PCGF5: variants seen among roughly 807,000 people sequenced by gnomAD.
The protein encoded by PCGF5 is polycomb group ring finger 5.
PCGF5 carries 9 observed loss-of-function variants against 44.3 expected under a neutral mutation model. The observed-to-expected ratio is 0.20, with a 90% CI of 0.12 to 0.35. The LOEUF is 0.35. Among genes scored for constraint, PCGF5 ranks in the 10% least tolerant of loss-of-function variants. The pLI, the probability that PCGF5 is intolerant of heterozygous loss-of-function variation, is 1.00. For synonymous variants in PCGF5, 95 were observed against 102.5 expected (o/e 0.93, Z 0.44); for missense variants, 146 against 305.3 (o/e 0.48, Z 3.89).
chr10:91,164,409 G>A (rs186488334), intron 1 of PCGF5, among the ~76,000 whole-genome samples: 1 of 152,208 alleles, frequency 6.6e-6, no homozygotes, highest in East Asian at 1.9e-4. Flanking sequence ...TACATTAACC[G>A]GTTGAGGAGC....
chr10:91,242,590 A>G (rs947308420), intron 3 of PCGF5, among the ~76,000 whole-genome samples: 2 of 152,104 alleles, frequency 1.3e-5, no homozygotes, highest in Admixed American at 6.6e-5. Flanking sequence ...ATAACATCAT[A>G]TATTTTTTAA....
chr10:91,181,873 G>A (rs1393903897), intron 1 of PCGF5, among the ~76,000 whole-genome samples: 1 of 152,148 alleles, frequency 6.6e-6, no homozygotes, highest in Non-Finnish European at 1.5e-5. Context: ...AATGATGCTG[G>A]CCTCATAGAA....
At chr10:91,245,220 A>G (rs923537391) in intron 3 of PCGF5, among the ~76,000 whole-genome samples, 1 of 152,186 alleles carries the variant, frequency 6.6e-6, no homozygotes, top group African/African-American at 2.4e-5. Context: ...AAGTGAAGAT[A>G]GTATGTATAT....
At chr10:91,266,019 T>C (rs530610722) in intron 8 of PCGF5, among the ~76,000 whole-genome samples, 21 of 152,316 alleles carry the variant, frequency 1.4e-4, no homozygotes, top group African/African-American at 4.8e-4. Flanking sequence ...TTTTAAATGA[T>C]TGTACATACA....
chr10:91,243,128 T>C (rs1845372209), intron 3 of PCGF5, among the ~76,000 whole-genome samples: 1 of 152,162 alleles, frequency 6.6e-6, no homozygotes, highest in African/African-American at 2.4e-5. Flanking sequence ...AACTGAAAGC[T>C]AGAAAGCAAA....
At chr10:91,245,610 T>C (rs1845440766) in intron 3 of PCGF5, among the ~76,000 whole-genome samples, 1 of 151,450 alleles carries the variant, frequency 6.6e-6, no homozygotes, top group East Asian at 1.9e-4. Flanking sequence ...TGTGGGAGAG[T>C]AGGGAATGCA....
intron 9 of PCGF5, among the ~76,000 whole-genome samples, chr10:91,272,143 CTTGAG>C (rs1383202519): frequency 6.6e-6 from 1 of 152,188 alleles, no homozygotes; most frequent in Non-Finnish European, 1.5e-5. Context: ...TAGTACTTTA[CTTGAG>C]TTACCTCTTT....
upstream of PCGF5, among the ~76,000 whole-genome samples, chr10:91,216,097 G>A (rs556297081): frequency 1.6e-4 from 25 of 152,358 alleles, no homozygotes; most frequent in South Asian, 5.2e-3. Context: ...TAGCCAAGCA[G>A]TGGATCCACT....
chr10:91,197,390 T>C (rs1453500128), intron 1 of PCGF5, among the ~76,000 whole-genome samples: 1 of 152,244 alleles, frequency 6.6e-6, no homozygotes, highest in African/African-American at 2.4e-5. Flanking sequence ...CGTATATCTT[T>C]GGAAAATAAA....
chr10:91,266,508 AG>A (rs1846051163), intron 8 of PCGF5, among the ~76,000 whole-genome samples: 1 of 152,246 alleles, frequency 6.6e-6, no homozygotes, highest in Non-Finnish European at 1.5e-5. Context: ...AAGTTCAAAA[AG>A]TGATTCAGTA....
Position 91,168,700 on chromosome 10 carries a change from G to C in PCGF5, c.-184+5619G>C, listed in dbSNP as rs1843545788. 2.0e-5 allele frequency among the ~76,000 whole-genome samples: 3 copies of C among 151,940 alleles called. No homozygotes were observed. The South Asian group carries it at 6.2e-4, about 32-fold the overall frequency. On this transcript the variant is annotated intron_variant, in intron 1 of 9. Transcript: ENST00000614189. ...TCCCAGCACTTTGGGAGGCCGAGGT[G>C]GGCAGATCATGAGGTCAAGAGTTCC...
chr10:91,208,677 A>AC (rs946675507), intron 1 of PCGF5, among the ~76,000 whole-genome samples: 5 of 152,196 alleles, frequency 3.3e-5, no homozygotes, highest in African/African-American at 1.2e-4. Flanking sequence ...GAGGATGTGT[A>AC]CCCCACCTGC....
At chr10:91,172,698 C>G (rs577481372) in intron 1 of PCGF5, among the ~76,000 whole-genome samples, 1 of 152,286 alleles carries the variant, frequency 6.6e-6, no homozygotes, top group Admixed American at 6.5e-5. Context: ...TGTTTGCCCC[C>G]AAGTTAAACT....
At chr10:91,275,632 T>G (rs943380337) in intron 9 of PCGF5, among the ~76,000 whole-genome samples, 3 of 151,028 alleles carry the variant, frequency 2.0e-5, no homozygotes, top group African/African-American at 7.3e-5. Flanking sequence ...TTTTTGTATT[T>G]TTAGTAGAGG....
chr10:91,199,534 T>C lies in PCGF5; in HGVS notation c.-183-23155T>C, dbSNP rs959299493. On this transcript the variant is annotated intron_variant, in intron 1 of 9. Coordinates refer to the PCGF5 transcript ENST00000614189. ...AGAGGCCAACAACATCCCCATCAAG[T>C]GCAGCCCAAAGGCTTCTCTGAAGAG... is the stretch of plus-strand genomic sequence containing the variant. Among the ~76,000 whole-genome samples the C allele has an allele frequency of 1.6e-4, 24 of 152,370 alleles. 1 individual carries two copies. Among genetic ancestry groups the C allele is most frequent in the Admixed American group, 1.5e-3 (23 of 15,302 alleles).
chr10:91,234,872 C>G (rs746347453), intron 2 of PCGF5, among the ~76,000 whole-genome samples: 1 of 152,190 alleles, frequency 6.6e-6, no homozygotes, highest in Non-Finnish European at 1.5e-5. Context: ...GGCAGTCTGC[C>G]TCAACATTAT....
chr10:91,214,663 C>T (rs1293016408), intron 1 of PCGF5, among the ~76,000 whole-genome samples: 1 of 152,188 alleles, frequency 6.6e-6, no homozygotes, highest in African/African-American at 2.4e-5. Flanking sequence ...TGCAGACAAG[C>T]ACACTGGTAG....
chr10:91,202,796 A>C (rs1384368707), intron 1 of PCGF5, among the ~76,000 whole-genome samples: 1 of 152,216 alleles, frequency 6.6e-6, no homozygotes, highest in Non-Finnish European at 1.5e-5. Context: ...TATGCTATAT[A>C]ATATGCTTAC....
chr10:91,241,375 A>G (rs1339455266), intron 3 of PCGF5, among the ~76,000 whole-genome samples: 1 of 152,114 alleles, frequency 6.6e-6, no homozygotes, highest in East Asian at 1.9e-4. Context: ...GCCTAATCAT[A>G]TATTTTTAAA....
Sources: allele counts gnomAD v4.1 joint callset (sites outside exome capture counted in the v4.1 genomes callset), GRCh38; gene constraint gnomAD v4.1.1; transcripts MANE v1.5; gene names NCBI Gene and HGNC (gene_info 2026-07-23, HGNC 2026-07-21).